The following CCDC43 variants were observed in gnomAD, a reference collection of about 807,000 sequenced individuals.
The protein encoded by CCDC43 is coiled-coil domain-containing protein 43.
CCDC43 carries 20 observed loss-of-function variants against 33.3 expected under a neutral mutation model. The ratio of observed to expected loss-of-function variants is 0.60; its 90% CI spans 0.42 to 0.87. The LOEUF (loss-of-function observed/expected upper bound fraction) is 0.87, where lower values mean the gene tolerates loss of function less well. CCDC43 is among the 40% of genes least tolerant of loss of function. The pLI is 0.00. For missense variants in CCDC43, 248 were observed against 269.9 expected, an observed-to-expected ratio of 0.92 and a Z score of 0.57; for synonymous variants, 104 against 106.5, an observed-to-expected ratio of 0.98 and a Z score of 0.14.
At chr17:44,680,073 GC>G (rs1972136112) in intron 4 of CCDC43, among the ~76,000 whole-genome samples, 1 of 151,802 alleles carries the variant, frequency 6.6e-6, no homozygotes, top group Non-Finnish European at 1.5e-5. Flanking sequence ...GACTTCCTGG[GC>G]TCAGGTGATT....
chr17:44,683,276 C>T (rs1158210980), intron 2 of CCDC43, among the ~76,000 whole-genome samples: 2 of 152,014 alleles, frequency 1.3e-5, no homozygotes, highest in East Asian at 3.9e-4. Flanking sequence ...GCCTGTAATC[C>T]CAGCACTTTG....
At position 44,683,721 on chromosome 17, in the gene CCDC43, G is replaced by GT. The variant is rs1972194824; in HGVS notation, c.292+150dup. ...AAAAGGAAGCCAATGTTCAGTAAAG[G>GT]TAACACAGGCTGTTGGGTGTTTGCC... On this transcript the variant is annotated intron_variant, in intron 2 of 4. Transcript: ENST00000315286. 4 of 574,328 alleles carry GT rather than the reference G, an allele frequency of 7.0e-6. No individual in the cohort carries two copies. The Admixed American group carries it at 9.0e-5, about 13-fold the overall frequency. 35.6% of individuals were successfully genotyped at this position (574,328 alleles called of 1,614,324 possible). A position where few individuals can be genotyped will look rare whatever the true frequency, so the allele number is the denominator to read the frequency against.
At chr17:44,683,191 T>C (rs949679388) in intron 2 of CCDC43, among the ~76,000 whole-genome samples, 12 of 152,196 alleles carry the variant, frequency 7.9e-5, no homozygotes, top group African/African-American at 2.9e-4. Flanking sequence ...GTAAAGTGTT[T>C]AGCTGAATAA....
chr17:44,685,474 T>A (rs1972220858), intron 1 of CCDC43, among the ~76,000 whole-genome samples: 1 of 152,340 alleles, frequency 6.6e-6, no homozygotes, highest in South Asian at 2.1e-4. Flanking sequence ...ATCTTGTCTT[T>A]AGTGTTAGAG....
chr17:44,689,484 G>A lies in CCDC43; in HGVS notation c.204+66C>T, dbSNP rs983955574. 1.9e-6 allele frequency: 3 copies of A among 1,601,400 alleles called. 1 individual carries two copies. The highest frequency in any genetic ancestry group is 8.5e-7 in the Non-Finnish European group (1 of 1,173,214). On this transcript the variant is annotated intron_variant, in intron 1 of 4. Coordinates refer to ENST00000315286, the MANE Select transcript of CCDC43 (RefSeq NM_144609.3). ...TGGGATACCCGGTAGGGGAGGGAGGGTGCAAAGTACTGACAGGTCCTCAGA... is the reference window on the plus strand; with the variant it reads ...TGGGATACCCGGTAGGGGAGGGAGGATGCAAAGTACTGACAGGTCCTCAGA...
chr17:44,682,375 T>C (rs566576538), intron 2 of CCDC43, among the ~76,000 whole-genome samples: 3 of 132,310 alleles, frequency 2.3e-5, no homozygotes, highest in African/African-American at 8.8e-5. Context: ...TTTTATATAC[T>C]GAAGTTCTGC....
chr17:44,683,155 C>T (rs929016012), intron 2 of CCDC43, among the ~76,000 whole-genome samples: 1 of 152,120 alleles, frequency 6.6e-6, no homozygotes, highest in Non-Finnish European at 1.5e-5. Flanking sequence ...TGGGTATATT[C>T]GCCCATTTCT....
At chr17:44,684,627 G>C (rs922978391) in intron 1 of CCDC43, among the ~76,000 whole-genome samples, 10 of 151,942 alleles carry the variant, frequency 6.6e-5, no homozygotes, top group African/African-American at 2.4e-4. Flanking sequence ...AACCCAGGAG[G>C]CAGAGGTTGT....
At chr17:44,681,953 A>G (rs765417867) in intron 3 of CCDC43, 50 bp downstream of exon 3, 1 of 1,610,796 alleles carries the variant, frequency 6.2e-7, no homozygotes, top group Non-Finnish European at 8.5e-7. Flanking sequence ...ACCCACAAAT[A>G]TGTCTGGCTT....
intron 1 of CCDC43, chr17:44,688,845 T>C (rs972544232): frequency 2.6e-5 from 4 of 152,276 alleles, no homozygotes; most frequent in African/African-American, 9.7e-5. Context: ...AGTGGACATC[T>C]GGGTGACTTA....
chr17:44,683,734 T>C (rs1972195038), intron 2 of CCDC43, 138 bp downstream of exon 2: 10 of 598,478 alleles, frequency 1.7e-5, no homozygotes, highest in Admixed American at 2.8e-5. Flanking sequence ...ACACAGGCTG[T>C]TGGGTGTTTG....
At chr17:44,684,351 T>A (rs1972204065) in intron 1 of CCDC43, among the ~76,000 whole-genome samples, 1 of 152,354 alleles carries the variant, frequency 6.6e-6, no homozygotes, top group African/African-American at 2.4e-5. Flanking sequence ...AATAATTAAA[T>A]CAAGCTAATT....
chr17:44,679,806 A>G (rs190055306), intron 4 of CCDC43, among the ~76,000 whole-genome samples: 11 of 151,974 alleles, frequency 7.2e-5, no homozygotes, highest in Admixed American at 7.2e-4. Context: ...AGGCAGGAGA[A>G]TCACTTTAAC....
chr17:44,689,720 G>T lies in CCDC43; in HGVS notation c.34C>A (p.Pro12Thr). The change falls in exon 1 of 5, where the codon CCT (proline) becomes ACT (threonine). Residue 12 changes from proline to threonine, a missense_variant. Coordinates refer to ENST00000315286, the MANE Select transcript of CCDC43 (RefSeq NM_144609.3). Reference sequence around the variant, plus strand: ...CCGCCTCCGCCATCGCCTTCGCCAGGGGCTATCGCGGCCACTTCGCTGGGC... The same window carrying T: ...CCGCCTCCGCCATCGCCTTCGCCAGTGGCTATCGCGGCCACTTCGCTGGGC... ...AAPSEVAAIA[P>T]GEGDGGGGGF... The T allele has an allele frequency of 6.3e-7, 1 of 1,586,842 alleles. No individual in the cohort carries two copies.
chr17:44,679,677 A>ATGAGCAAGCTGTGCTTACATAAGAT (rs1972127299), intron 4 of CCDC43, among the ~76,000 whole-genome samples: 1 of 152,130 alleles, frequency 6.6e-6, no homozygotes, highest in Non-Finnish European at 1.5e-5. Flanking sequence ...GTAGATCATG[A>ATGAGCAAGCTGTGCTTACATAAGAT]GGTCAGGAGA....
At chr17:44,683,430 G>GAGGCACAAGA (rs1261511911) in intron 2 of CCDC43, among the ~76,000 whole-genome samples, 2 of 152,054 alleles carry the variant, frequency 1.3e-5, no homozygotes, top group African/African-American at 4.8e-5. Context: ...TCACGAGGCT[G>GAGGCACAAGA]AGGCACAAGA....
At chr17:44,680,147 C>T (rs1329919964) in intron 4 of CCDC43, among the ~76,000 whole-genome samples, 1 of 151,700 alleles carries the variant, frequency 6.6e-6, no homozygotes, top group Admixed American at 6.6e-5. Context: ...CTACACCTGG[C>T]TAGTGTTTTG....
At chr17:44,684,143 C>G (rs1972200761) in intron 1 of CCDC43, among the ~76,000 whole-genome samples, 184 bp from the exon 2 acceptor site, 1 of 152,238 alleles carries the variant, frequency 6.6e-6, no homozygotes, top group African/African-American at 2.4e-5. Context: ...GCTTGTGTGT[C>G]CCAGAACCCA....
intron 1 of CCDC43, chr17:44,687,809 T>C (rs1054127015): frequency 6.6e-6 from 1 of 152,224 alleles, no homozygotes; most frequent in East Asian, 1.9e-4. Context: ...ATCTGTAATG[T>C]TGTGGTCCAA....
Sources: allele counts gnomAD v4.1 joint callset (sites outside exome capture counted in the v4.1 genomes callset), GRCh38; gene constraint gnomAD v4.1.1; transcripts MANE v1.5; gene names NCBI Gene and HGNC (gene_info 2026-07-23, HGNC 2026-07-21).